Variants in UIMC1 observed in about 807,000 individuals in gnomAD.
UIMC1 encodes BRCA1-A complex subunit RAP80.
UIMC1 carries 42 observed loss-of-function variants against 84.9 expected under a neutral mutation model. The ratio of observed to expected loss-of-function variants is 0.49; its 90% CI spans 0.39 to 0.64. The LOEUF (loss-of-function observed/expected upper bound fraction) is 0.64, where lower values mean the gene tolerates loss of function less well. Ranked by LOEUF, UIMC1 falls within the 30% of genes least tolerant of loss-of-function variation. The pLI is 0.00. For missense variants in UIMC1, 825 were observed against 847.6 expected, an observed-to-expected ratio of 0.97 and a Z score of 0.33; for synonymous variants, 281 against 293.0, an observed-to-expected ratio of 0.96 and a Z score of 0.42.
intron 11 of UIMC1, 82 bp from the exon 12 acceptor site, chr5:176,908,776 GTT>G: frequency 1.4e-6 from 2 of 1,471,774 alleles, no homozygotes; most frequent in East Asian, 2.3e-5. Context: ...CTCAAATTGT[GTT>G]TTTACGTCGC....
upstream of UIMC1, among the ~76,000 whole-genome samples, chr5:177,009,856 G>A (rs1775505729): frequency 6.6e-6 from 1 of 152,086 alleles, no homozygotes; most frequent in Non-Finnish European, 1.5e-5. The surrounding 1 kb of genome is among the most constrained non-coding windows in gnomAD (Gnocchi z 4.3). Flanking sequence ...TCAACATGGC[G>A]AAACCCCGTC....
chr5:176,996,230 A>G (rs1187923182), intron 1 of UIMC1, among the ~76,000 whole-genome samples: 1 of 152,194 alleles, frequency 6.6e-6, no homozygotes. Flanking sequence ...GAAACTAGAA[A>G]AAAACTAATC....
At position 176,975,499 on chromosome 5, in the gene UIMC1, TATC is replaced by T. The variant is rs776397233; in HGVS notation, c.148-22_148-20del. 1 of 1,613,470 alleles carries T rather than the reference TATC, an allele frequency of 6.2e-7. No homozygotes were observed. The highest frequency in any genetic ancestry group is 8.5e-7 in the Non-Finnish European group (1 of 1,179,554). ...TTGGTTCCTGTTGCAAAACAAGAAA[TATC>T]ATCAGTGTGGCTGCCACTAAAAGTA... On this transcript the variant is annotated intron_variant, in intron 2 of 14. Transcript: ENST00000511320.
chr5:176,988,441 T>C (rs1772343339), intron 1 of UIMC1, among the ~76,000 whole-genome samples: 2 of 152,124 alleles, frequency 1.3e-5, no homozygotes, highest in African/African-American at 4.8e-5. Flanking sequence ...ATTGTATGAT[T>C]CTATTTATAA....
chr5:176,974,735 C>G (rs1245664539), intron 3 of UIMC1, among the ~76,000 whole-genome samples: 1 of 152,018 alleles, frequency 6.6e-6, no homozygotes, highest in Admixed American at 6.6e-5. Context: ...TCGTTATGAA[C>G]CCGGGAGGCA....
intron 1 of UIMC1, among the ~76,000 whole-genome samples, chr5:176,989,138 G>A (rs939097542): frequency 3.3e-5 from 5 of 151,896 alleles, no homozygotes; most frequent in South Asian, 2.1e-4. Context: ...TCCTAAGGGG[G>A]TTGTTACATC....
chr5:176,950,772 A>C (rs1415922658), intron 9 of UIMC1, among the ~76,000 whole-genome samples: 1 of 152,096 alleles, frequency 6.6e-6, no homozygotes, highest in African/African-American at 2.4e-5. Context: ...CGGGTGGCTG[A>C]GGCAGGAGAA....
intron 1 of UIMC1, among the ~76,000 whole-genome samples, chr5:177,003,203 A>C (rs2149543943): frequency 6.6e-6 from 1 of 152,266 alleles, no homozygotes; most frequent in South Asian, 2.1e-4. Flanking sequence ...GCATACCCAC[A>C]CACACACACA....
At chr5:176,975,604 A>G in intron 2 of UIMC1, 124 bp from the exon 3 acceptor site, 1 of 829,852 alleles carries the variant, frequency 1.2e-6, no homozygotes, top group South Asian at 1.7e-5. Flanking sequence ...AAATATGCAC[A>G]TAAAACATTA....
intron 10 of UIMC1, among the ~76,000 whole-genome samples, chr5:176,912,536 A>G (rs559019579): frequency 7.9e-5 from 12 of 151,008 alleles, no homozygotes; most frequent in African/African-American, 2.7e-4. Flanking sequence ...GCAATGGAGC[A>G]ATCTCAGCTC....
At chr5:176,976,658 T>C (rs189248402) in intron 2 of UIMC1, among the ~76,000 whole-genome samples, 14 of 152,278 alleles carry the variant, frequency 9.2e-5, no homozygotes, top group African/African-American at 3.1e-4. Context: ...AAATATATAA[T>C]TGAAAGAAGT....
chr5:176,991,926 C>T (rs353477), intron 1 of UIMC1, among the ~76,000 whole-genome samples: 64,515 of 151,546 alleles, frequency 0.43, 13,972 homozygotes, highest in East Asian at 0.48. Flanking sequence ...AGCGAGACTC[C>T]GTTTCAAAAA....
At chr5:176,999,144 C>T (rs1306080511) in intron 1 of UIMC1, among the ~76,000 whole-genome samples, 5 of 152,168 alleles carry the variant, frequency 3.3e-5, no homozygotes, top group African/African-American at 1.2e-4. Context: ...TCACTCCAGA[C>T]TGAGTGACAG....
intron 9 of UIMC1, among the ~76,000 whole-genome samples, chr5:176,950,945 T>C (rs1001176391): frequency 5.9e-5 from 9 of 151,296 alleles, no homozygotes; most frequent in Non-Finnish European, 2.9e-5. Flanking sequence ...ATCAATCAGC[T>C]TTATGGTTAC....
intron 10 of UIMC1, among the ~76,000 whole-genome samples, chr5:176,930,349 C>T (rs1762931848): frequency 6.6e-6 from 1 of 152,180 alleles, no homozygotes; most frequent in Non-Finnish European, 1.5e-5. Context: ...TCAAAAAAAT[C>T]TGAACATTCA....
At chr5:176,980,635 T>C (rs1770891896) in intron 2 of UIMC1, among the ~76,000 whole-genome samples, 1 of 152,366 alleles carries the variant, frequency 6.6e-6, no homozygotes, top group East Asian at 1.9e-4. Flanking sequence ...TGTTATGTTA[T>C]GGCTTGGATT....
intron 10 of UIMC1, among the ~76,000 whole-genome samples, chr5:176,931,992 CAAA>C (rs1180531760): frequency 2.0e-5 from 3 of 151,960 alleles, no homozygotes; most frequent in Admixed American, 6.6e-5. Context: ...AACAAACAAA[CAAA>C]AAAAGAAGAC....
intron 10 of UIMC1, among the ~76,000 whole-genome samples, chr5:176,938,460 T>C (rs1173210485): frequency 6.6e-6 from 1 of 152,144 alleles, no homozygotes; most frequent in African/African-American, 2.4e-5. Flanking sequence ...GTGCTCTGCA[T>C]AATTCCTCTA....
intron 1 of UIMC1, among the ~76,000 whole-genome samples, chr5:176,984,300 CCCG>C (rs1771596512): frequency 8.1e-6 from 1 of 123,632 alleles, no homozygotes; most frequent in African/African-American, 2.7e-5. Context: ...CGGCCGCCAC[CCCG>C]TCTGGGAAAT....
Sources: gnomAD v4.1 joint callset for allele counts (sites outside exome capture counted in the v4.1 genomes callset) on GRCh38, gnomAD v4.1.1 for gene constraint, Gnocchi (gnomAD v3.1) non-coding constraint, MANE v1.5 for transcripts, NCBI Gene and HGNC (gene_info 2026-07-23, HGNC 2026-07-21) for gene names.